Variants in SHC3 observed in about 807,000 individuals in gnomAD.
SHC3 encodes the protein SHC adaptor protein 3, also known as SHC-transforming protein 3.
SHC3 carries 15 observed loss-of-function variants against 60.4 expected under a neutral mutation model. The observed-to-expected ratio is 0.25, with a 90% CI of 0.17 to 0.38. The LOEUF (loss-of-function observed/expected upper bound fraction) is 0.38. SHC3 is among the 10% of genes least tolerant of loss of function. The pLI is 1.00. For synonymous variants in SHC3, 294 were observed against 325.9 expected (o/e 0.90, Z 1.05); for missense variants, 677 against 786.1 (o/e 0.86, Z 1.66).
intron 11 of SHC3, among the ~76,000 whole-genome samples, chr9:89,028,482 TATCTATATA>T (rs1826357953): frequency 5.1e-5 from 1 of 19,640 alleles, no homozygotes; most frequent in African/African-American, 2.8e-4. Context: ...ATATAGATTA[TATCTATATA>T]GATATAGATT....
At chr9:89,065,435 TGGGA>T in intron 6 of SHC3, 90 bp downstream of exon 6, 2 of 1,293,362 alleles carry the variant, frequency 1.5e-6, no homozygotes, top group East Asian at 4.6e-5. Context: ...ACTCATTTGT[TGGGA>T]GGGGGCTGAG....
chr9:89,125,063 T>A (rs1247134959), intron 1 of SHC3, among the ~76,000 whole-genome samples: 1 of 152,102 alleles, frequency 6.6e-6, no homozygotes, highest in Non-Finnish European at 1.5e-5. Flanking sequence ...GAATTAGAGA[T>A]AAACTTCTGG....
rs1824867972 is a variant in SHC3, at chr9:89,051,929, C to T, written c.962+108G>A. The T allele has an allele frequency of 3.3e-6, 5 of 1,493,752 alleles. No homozygotes were observed. The South Asian group carries it at 5.1e-5, about 15-fold the overall frequency. The allele number at this position is 1,493,752 out of a possible 1,614,324, so 92.5% of individuals were successfully genotyped here. A position where few individuals can be genotyped will look rare whatever the true frequency, so the allele number is the denominator to read the frequency against. ...CAGGTGTCTCTGAGCCCAGGAAGCC[C>T]TGTGATTAATTGTGCCTGTCCAGAA... On this transcript the variant is annotated intron_variant, in intron 7 of 11. Transcript: ENST00000375835.
intron 11 of SHC3, among the ~76,000 whole-genome samples, chr9:89,027,792 G>T (rs1826345733): frequency 6.6e-6 from 1 of 152,194 alleles, no homozygotes; most frequent in Non-Finnish European, 1.5e-5. Context: ...GAAGTATATT[G>T]AAGGATAAAA....
chr9:89,153,956 A>G (rs763796477), intron 1 of SHC3, among the ~76,000 whole-genome samples: 1 of 152,016 alleles, frequency 6.6e-6, no homozygotes, highest in South Asian at 2.1e-4. Flanking sequence ...CCTCCTGACG[A>G]CCTTATAAAC....
intron 1 of SHC3, among the ~76,000 whole-genome samples, chr9:89,135,822 A>G (rs75975264): frequency 0.011 from 1,612 of 152,310 alleles, 13 homozygotes; most frequent in South Asian, 0.034. Flanking sequence ...ATATACTGGA[A>G]TCAGCTAGCA....
chr9:89,035,255 C>T (rs905135025), intron 11 of SHC3, among the ~76,000 whole-genome samples: 2 of 152,154 alleles, frequency 1.3e-5, no homozygotes, highest in Non-Finnish European at 2.9e-5. Flanking sequence ...CTGATCTCCC[C>T]AACAAAAATG....
In SHC3 at chr9:89,055,282, C is replaced by T. The variant is rs192341130; in HGVS notation, c.836-3119G>A. 1.9e-4 allele frequency among the ~76,000 whole-genome samples: 29 copies of T among 152,380 alleles called. No individual in the cohort carries two copies. In the East Asian group the frequency reaches 3.1e-3, roughly 16 times the overall value. The stretch of plus-strand genomic sequence containing the variant: ...AAGCCCAGAGGCTAGTAGCTGCTCC[C>T]GGCTTGGCGCTCAGGACTGGCCCCC... On this transcript the variant is annotated intron_variant, in intron 6 of 11. Transcript: ENST00000375835.
In SHC3 at chr9:89,045,615, T is replaced by C. The variant is rs953559042; in HGVS notation, c.1201+131A>G. ...TTTCTATAGTCTAGTCAGGATTCTA[T>C]AGCAACACACACAGCACATATATCC... On this transcript the variant is annotated intron_variant, in intron 9 of 11. Transcript: ENST00000375835. 1.3e-5 allele frequency: 10 copies of C among 779,026 alleles called. No individual in the cohort carries two copies. The East Asian group carries it at 2.7e-4, about 21-fold the overall frequency. 48.3% of individuals were successfully genotyped at this position (779,026 alleles called of 1,614,324 possible). A position where few individuals can be genotyped will look rare whatever the true frequency, so the allele number is the denominator to read the frequency against.
rs10626309 is a variant in SHC3 at position 89,165,260 on chromosome 9, T to TTGTGTGTG, written c.474+12719_474+12726dup. On this transcript the variant is annotated intron_variant, in intron 1 of 11. Transcript: ENST00000375835. Reference sequence around the variant, plus strand: ...AAAGAAAGAAAAGAAAAAGACGTGTTTGTGTGTGTGTGTGTGTGTGTGTGT... The same window carrying TTGTGTGTG: ...AAAGAAAGAAAAGAAAAAGACGTGTTTGTGTGTGTGTGTGTGTGTGTGTGTGTGTGTGT... 1.7e-3 allele frequency among the ~76,000 whole-genome samples: 252 copies of TTGTGTGTG among 148,636 alleles called. 2 individuals are homozygous for TTGTGTGTG. Among genetic ancestry groups the TTGTGTGTG allele is most frequent in the African/African-American group, 5.9e-3 (240 of 40,592 alleles).
intron 6 of SHC3, among the ~76,000 whole-genome samples, chr9:89,059,724 CAGGACGGTGG>C (rs1825042161): frequency 1.9e-4 from 1 of 5,204 alleles, no homozygotes; most frequent in Admixed American, 2.2e-3. Flanking sequence ...GATGGTGGTG[CAGGACGGTGG>C]TGGAGGACGT....
chr9:89,055,637 T>A (rs571299731), intron 6 of SHC3, among the ~76,000 whole-genome samples: 1 of 152,320 alleles, frequency 6.6e-6, no homozygotes, highest in African/African-American at 2.4e-5. Context: ...CAGAACCAAA[T>A]GCACCTTCTG....
intron 2 of SHC3, among the ~76,000 whole-genome samples, chr9:89,086,971 AAT>A (rs1299059394): frequency 2.0e-5 from 3 of 152,142 alleles, no homozygotes; most frequent in Admixed American, 2.0e-4. Context: ...ATATACAATA[AAT>A]ATATACACAT....
chr9:89,063,467 T>G (rs1377511181), intron 6 of SHC3, among the ~76,000 whole-genome samples: 1 of 152,214 alleles, frequency 6.6e-6, no homozygotes, highest in Non-Finnish European at 1.5e-5. Context: ...AAGTGAAGCT[T>G]AGCCCGGCCT....
At chr9:89,045,653 G>C (rs1489488655) in intron 9 of SHC3, 93 bp downstream of exon 9, 2 of 1,079,162 alleles carry the variant, frequency 1.9e-6, no homozygotes, top group African/African-American at 3.1e-5. Context: ...GGGTCACTCT[G>C]TCAGTCCACA....
At chr9:89,152,148 G>A (rs752094536) in intron 1 of SHC3, among the ~76,000 whole-genome samples, 1 of 152,130 alleles carries the variant, frequency 6.6e-6, no homozygotes, top group African/African-American at 2.4e-5. Context: ...TAAAGATATG[G>A]GATGTAAACT....
In SHC3 at chr9:89,119,313, C is replaced by T. The variant is rs142411091; in HGVS notation, c.475-6687G>A. On this transcript the variant is annotated intron_variant, in intron 1 of 11. Coordinates refer to ENST00000375835, the MANE Select transcript of SHC3 (RefSeq NM_016848.6). The stretch of plus-strand genomic sequence containing the variant: ...ATGAAAGGCAAAGATAAAGTATAAA[C>T]ATCAGTAATAGTTCCCAATACCTCT... 5.5e-3 allele frequency among the ~76,000 whole-genome samples: 834 copies of T among 152,058 alleles called. 9 individuals are homozygous for T. The highest frequency in any genetic ancestry group is 0.019 in the African/African-American group (777 of 41,480).
intron 2 of SHC3, among the ~76,000 whole-genome samples, chr9:89,106,946 A>G (rs376208361): frequency 1.1e-4 from 16 of 152,218 alleles, no homozygotes; most frequent in African/African-American, 3.4e-4. Context: ...CAGAGCCCCA[A>G]TCCCTGTTTC....
At chr9:89,150,583 C>A (rs1177133905) in intron 1 of SHC3, among the ~76,000 whole-genome samples, 2 of 152,166 alleles carry the variant, frequency 1.3e-5, no homozygotes, top group Non-Finnish European at 2.9e-5. Context: ...TATGTATATA[C>A]CACCTTCTGT....
Sources: allele counts gnomAD v4.1 joint callset (sites outside exome capture counted in the v4.1 genomes callset), GRCh38; gene constraint gnomAD v4.1.1; transcripts MANE v1.5; gene names NCBI Gene and HGNC (gene_info 2026-07-23, HGNC 2026-07-21).